The following ADGB variants were observed in gnomAD, a reference collection of about 807,000 sequenced individuals.
ADGB encodes calpain-7-like protein.
A neutral mutation model predicts 210.5 loss-of-function variants in ADGB; 172 were observed. That is an observed-to-expected ratio of 0.82 (90% CI 0.72 to 0.93). The LOEUF is 0.93. Ranked by LOEUF, ADGB falls within the 40% of genes least tolerant of loss-of-function variation. The probability of loss-of-function intolerance (pLI) is 0.00; values close to 1 mark genes in which losing one functional copy is unlikely to be tolerated. For synonymous variants in ADGB, 658 were observed against 662.7 expected (o/e 0.99, Z 0.11); for missense variants, 2,025 against 1,964.8 (o/e 1.03, Z -0.58).
chr6:146,792,990 G>T (rs2114655631), intron 33 of ADGB, among the ~76,000 whole-genome samples: 1 of 152,202 alleles, frequency 6.6e-6, no homozygotes, highest in Non-Finnish European at 1.5e-5. Context: ...TGGTAGCAAG[G>T]TTTATTGTGA....
At chr6:146,793,177 A>G (rs1003763508) in intron 33 of ADGB, among the ~76,000 whole-genome samples, 16 of 151,932 alleles carry the variant, frequency 1.1e-4, no homozygotes, top group African/African-American at 3.6e-4. Context: ...ACTCCTGATG[A>G]GTGGCGCATT....
Position 146,672,476 on chromosome 6 carries a change from T to C in ADGB, c.1087+9T>C. On this transcript the variant is annotated intron_variant, in intron 8 of 35. Coordinates refer to ENST00000397944, the MANE Select transcript of ADGB (RefSeq NM_024694.4). ...CGACAAAGTTCCAAAGGGTAAGATA[T>C]TTTACATCAAAATGTGATTCAGTAT... 4.6e-6 allele frequency: 7 copies of C among 1,525,214 alleles called. No individual in the cohort carries two copies. Among genetic ancestry groups the C allele is most frequent in the Non-Finnish European group, 6.2e-6 (7 of 1,137,582 alleles). 94.5% of individuals were successfully genotyped at this position (1,525,214 alleles called of 1,614,324 possible). A position where few individuals can be genotyped will look rare whatever the true frequency, so the allele number is the denominator to read the frequency against.
intron 2 of ADGB, chr6:146,638,718 A>C (rs1345167493): frequency 6.6e-6 from 1 of 151,482 alleles, no homozygotes; most frequent in Non-Finnish European, 1.5e-5. Context: ...ACTAACCTGC[A>C]CATTGTGCAC....
chr6:146,800,554 T>A (rs1265107846), intron 33 of ADGB, among the ~76,000 whole-genome samples: 1 of 151,976 alleles, frequency 6.6e-6, no homozygotes, highest in Non-Finnish European at 1.5e-5. Flanking sequence ...AAAAAAGCAG[T>A]GGTCTGGAAA....
chr6:146,768,480 A>G (rs910762576), intron 28 of ADGB, among the ~76,000 whole-genome samples: 1 of 152,206 alleles, frequency 6.6e-6, no homozygotes, highest in African/African-American at 2.4e-5. Flanking sequence ...AAACCAATGA[A>G]GAAAAGATGG....
intron 1 of ADGB, among the ~76,000 whole-genome samples, chr6:146,617,065 T>C (rs1780813090): frequency 6.6e-6 from 1 of 152,112 alleles, no homozygotes; most frequent in African/African-American, 2.4e-5. Flanking sequence ...TAATAATTCT[T>C]CCAATTTATG....
chr6:146,712,061 A>G (rs529643830), intron 13 of ADGB, among the ~76,000 whole-genome samples: 1 of 152,124 alleles, frequency 6.6e-6, no homozygotes, highest in African/African-American at 2.4e-5. Flanking sequence ...TGTCAAAAAA[A>G]AAAAAAATGA....
chr6:146,699,279 C>T (rs1776453965), intron 12 of ADGB, among the ~76,000 whole-genome samples: 1 of 152,110 alleles, frequency 6.6e-6, no homozygotes, highest in Non-Finnish European at 1.5e-5. Context: ...CAGTCCAAAT[C>T]TAAAGGCCTC....
chr6:146,687,117 T>TATGG (rs1341542275), intron 10 of ADGB, among the ~76,000 whole-genome samples: 2 of 152,146 alleles, frequency 1.3e-5, no homozygotes, highest in African/African-American at 4.8e-5. Context: ...CCATCCTGAA[T>TATGG]ATGGCAGTTT....
At position 146,672,314 on chromosome 6, in the gene ADGB, G is replaced by A. The variant is rs190896095; in HGVS notation, c.934G>A (p.Val312Met). The A allele has an allele frequency of 1.3e-6, 2 of 1,551,336 alleles. No individual in the cohort carries two copies. The highest frequency in any genetic ancestry group is 1.4e-5 in the African/African-American group (1 of 73,104). Reference protein sequence around the residue: ...DEASSESKIAVLDSKLKEPGK... With the variant: ...DEASSESKIAMLDSKLKEPGK... ...GGCCAGCTCTGAAAGCAAAATAGCAGTGTTAGATTCTAAATTAAAAGAACC... is the reference window on the plus strand; with the variant it reads ...GGCCAGCTCTGAAAGCAAAATAGCAATGTTAGATTCTAAATTAAAAGAACC... The change falls in exon 8 of 36, where the codon GTG (valine) becomes ATG (methionine). Residue 312 changes from valine to methionine, a missense_variant. Coordinates refer to ENST00000397944, the MANE Select transcript of ADGB (RefSeq NM_024694.4).
chr6:146,714,718 G>A (rs1220358379), intron 13 of ADGB, among the ~76,000 whole-genome samples: 1 of 152,122 alleles, frequency 6.6e-6, no homozygotes, highest in East Asian at 1.9e-4. Context: ...AATTGCTTCT[G>A]AGGTCCTAAG....
At chr6:146,806,864 C>G (rs889074880) in intron 35 of ADGB, among the ~76,000 whole-genome samples, 5 of 152,054 alleles carry the variant, frequency 3.3e-5, no homozygotes, top group Non-Finnish European at 7.4e-5. Flanking sequence ...TGCGGTTAAG[C>G]AAGAATAAGA....
At position 146,751,139 on chromosome 6, in the gene ADGB, C is replaced by G. The variant is rs950354740; in HGVS notation, c.3366-1391C>G. On this transcript the variant is annotated intron_variant, in intron 26 of 35. Coordinates refer to ENST00000397944, the MANE Select transcript of ADGB (RefSeq NM_024694.4). Reference sequence around the variant, plus strand: ...TGTTGCTCTCCCACCCCCCACCCTCCCGCAACATGCCCTAGAGTAAGTGTT... The same window carrying G: ...TGTTGCTCTCCCACCCCCCACCCTCGCGCAACATGCCCTAGAGTAAGTGTT... Among the ~76,000 whole-genome samples, 33 of 130,180 alleles carry G rather than the reference C, an allele frequency of 2.5e-4. No homozygotes were observed. The Admixed American group carries it at 2.6e-3, about 10-fold the overall frequency. The allele number at this position is 130,180 out of a possible 152,430, so 85.4% of individuals were successfully genotyped here. A position where few individuals can be genotyped will look rare whatever the true frequency, so the allele number is the denominator to read the frequency against.
At chr6:146,730,897 C>T (rs1196069271) in intron 20 of ADGB, among the ~76,000 whole-genome samples, 1 of 152,102 alleles carries the variant, frequency 6.6e-6, no homozygotes, top group East Asian at 1.9e-4. Flanking sequence ...TGAGATCACG[C>T]CATTGCACTC....
intron 28 of ADGB, among the ~76,000 whole-genome samples, chr6:146,767,146 G>T (rs952410258): frequency 1.2e-4 from 19 of 152,160 alleles, no homozygotes; most frequent in African/African-American, 4.3e-4. Context: ...AAGTGTAAGT[G>T]TGTTCCTATT....
chr6:146,702,302 C>T (rs1016400696), intron 13 of ADGB, among the ~76,000 whole-genome samples: 11 of 151,842 alleles, frequency 7.2e-5, no homozygotes, highest in African/African-American at 2.4e-4. Context: ...GCATTTGATA[C>T]TGTATGATGT....
chr6:146,775,289 C>A (rs1777706445), intron 29 of ADGB, among the ~76,000 whole-genome samples: 1 of 151,562 alleles, frequency 6.6e-6, no homozygotes, highest in Non-Finnish European at 1.5e-5. Context: ...TCTTTATAAC[C>A]CATGATAAGA....
chr6:146,783,856 G>A (rs1377415123), intron 30 of ADGB, among the ~76,000 whole-genome samples: 3 of 152,112 alleles, frequency 2.0e-5, no homozygotes, highest in Admixed American at 6.6e-5. Flanking sequence ...TATGATACAT[G>A]CAGGTGATCC....
At chr6:146,745,888 T>C (rs1777225815) in intron 25 of ADGB, 34 bp from the exon 26 acceptor site, 1 of 1,480,540 alleles carries the variant, frequency 6.8e-7, no homozygotes. Context: ...AATAACGACA[T>C]AATTCATTTC....
Sources: gnomAD v4.1 joint callset for allele counts (sites outside exome capture counted in the v4.1 genomes callset) on GRCh38, gnomAD v4.1.1 for gene constraint, MANE v1.5 for transcripts, NCBI Gene and HGNC (gene_info 2026-07-23, HGNC 2026-07-21) for gene names.